Variants in ZDHHC1 observed in about 807,000 individuals in gnomAD.
ZDHHC1 encodes the protein zDHHC palmitoyltransferase 1, also known as palmitoyltransferase ZDHHC1.
A neutral mutation model predicts 46.9 loss-of-function variants in ZDHHC1; 45 were observed. The ratio of observed to expected loss-of-function variants is 0.96; its 90% CI spans 0.76 to 1.23. The LOEUF is 1.23. ZDHHC1 is among the 50% of genes most tolerant of loss of function. The probability of loss-of-function intolerance (pLI) is 0.00; values close to 1 mark genes in which losing one functional copy is unlikely to be tolerated. For synonymous variants in ZDHHC1, 291 were observed against 286.0 expected (o/e 1.02, Z -0.18); for missense variants, 649 against 670.8 (o/e 0.97, Z 0.36).
chr16:67,400,888 C>A, intron 4 of ZDHHC1, 69 bp downstream of exon 4: 1 of 1,556,504 alleles, frequency 6.4e-7, no homozygotes. Context: ...TCTGTGAAGC[C>A]CTGGCACCCC....
intron 3 of ZDHHC1, among the ~76,000 whole-genome samples, chr16:67,405,381 C>T (rs1001818963): frequency 6.6e-6 from 1 of 152,216 alleles, no homozygotes; most frequent in Non-Finnish European, 1.5e-5. Context: ...GGACAGAGCT[C>T]ACCACAGGCT....
intron 4 of ZDHHC1, among the ~76,000 whole-genome samples, chr16:67,399,667 C>T (rs2040509860): frequency 6.6e-6 from 1 of 152,222 alleles, no homozygotes; most frequent in Middle Eastern, 3.4e-3. Context: ...CTGGGGGACC[C>T]CAGAGGCCGC....
Position 67,394,815 on chromosome 16 carries a change from G to C in ZDHHC1, c.1244C>G (p.Ala415Gly). The C allele has an allele frequency of 1.3e-6, 2 of 1,526,840 alleles. No individual in the cohort carries two copies. The highest frequency in any genetic ancestry group is 1.8e-6 in the Non-Finnish European group (2 of 1,140,990). 94.6% of individuals were successfully genotyped at this position (1,526,840 alleles called of 1,614,324 possible). The change falls in exon 12 of 12, where the codon GCC becomes GGC. Residue 415 changes from alanine to glycine, a missense_variant. Physicochemically the swap from Ala to Gly is moderately conservative, Grantham distance 60. Coordinates refer to ENST00000565726, the MANE Select transcript of ZDHHC1 (RefSeq NM_001323627.2). ...TGCCGACGCCGAGTGGTAGGCGCCG[G>C]CAGGGCCAGCGGCGTGCACAGGGCT... is the stretch of plus-strand genomic sequence containing the variant. ...DASPVHAAGP[A>G]GAYHSASAES...
chr16:67,415,319 C>T (rs1182327434), intron 1 of ZDHHC1, among the ~76,000 whole-genome samples: 4 of 151,400 alleles, frequency 2.6e-5, no homozygotes, highest in South Asian at 2.1e-4. Context: ...ATTAGCTGAG[C>T]GTGGTGGCGG....
chr16:67,400,901 C>A, intron 4 of ZDHHC1, 56 bp downstream of exon 4: 1 of 1,582,422 alleles, frequency 6.3e-7, no homozygotes, highest in Non-Finnish European at 8.6e-7. Context: ...GGCACCCCCT[C>A]TCCACCATAC....
chr16:67,415,592 A>G (rs1441239825), intron 1 of ZDHHC1, among the ~76,000 whole-genome samples: 6 of 152,082 alleles, frequency 3.9e-5, no homozygotes, highest in Non-Finnish European at 7.4e-5. Flanking sequence ...CCCCGTCCCT[A>G]CTAAAAATAT....
chr16:67,399,788 G>GA (rs2040513464), intron 4 of ZDHHC1, among the ~76,000 whole-genome samples: 1 of 152,184 alleles, frequency 6.6e-6, no homozygotes, highest in South Asian at 2.1e-4. Flanking sequence ...AGAGAAGCCA[G>GA]AAGATGCAGG....
Position 67,401,009 on chromosome 16 carries a change from G to A in ZDHHC1, c.376C>T (p.Gln126Ter). 4.3e-6 allele frequency: 7 copies of A among 1,614,146 alleles called. No homozygotes were observed. Among genetic ancestry groups the A allele is most frequent in the East Asian group, 2.2e-5 (1 of 44,886 alleles). The part of the protein sequence containing the change: ...AGPLPIFNRS[Q>*]HAHVIEDLHC... ...AGGTCTTCAATGACATGTGCGTGCT[G>A]GCTTCGGTTGAAGATGGGCAGGGGC... Residue 126 changes from glutamine (Q) to a stop codon, truncating the protein, a stop_gained, in exon 4 of 12, where the codon CAG becomes TAG. Transcript: ENST00000565726. LOFTEE classifies it high-confidence loss of function. This position sits in a 1 kb window ranked among gnomAD's most constrained non-coding sequence, Gnocchi z 4.6.
intron 5 of ZDHHC1, 124 bp downstream of exon 5, chr16:67,399,230 TA>T (rs1395113914): frequency 2.2e-6 from 2 of 921,678 alleles, no homozygotes; most frequent in Non-Finnish European, 3.3e-6. Context: ...CACCCCCGCA[TA>T]AAACGGGCAC....
At position 67,404,582 on chromosome 16, in the gene ZDHHC1, C is replaced by T. The variant is rs983285862; in HGVS notation, c.252+1618G>A. 1.1e-4 allele frequency: 48 copies of T among 428,302 alleles called. 3 individuals are homozygous for T. Among genetic ancestry groups the T allele is most frequent in the South Asian group, 7.1e-4 (43 of 60,614 alleles). 26.5% of individuals were successfully genotyped at this position (428,302 alleles called of 1,614,324 possible). ...GAGCCTCTGCAATGCTCAAAGCAGA[C>T]GAACCCTGAATGCGGAGACAAAGCC... is the stretch of plus-strand genomic sequence containing the variant. On this transcript the variant is annotated intron_variant, in intron 3 of 11. Coordinates refer to ENST00000565726, the MANE Select transcript of ZDHHC1 (RefSeq NM_001323627.2).
chr16:67,399,413 ACACG>A lies in ZDHHC1; in HGVS notation c.468_471del (p.Val157AlafsTer63). 6.2e-7 allele frequency: 1 copy of A among 1,613,344 alleles called. No individual in the cohort carries two copies. Among genetic ancestry groups the A allele is most frequent in the Non-Finnish European group, 8.5e-7 (1 of 1,179,846 alleles). On this transcript the variant is annotated frameshift_variant, in exon 5 of 12. Coordinates refer to ENST00000565726, the MANE Select transcript of ZDHHC1 (RefSeq NM_001323627.2). LOFTEE classifies it high-confidence loss of function. The stretch of plus-strand genomic sequence containing the variant: ...CACTTGCAGTGGTGGTCGAAACCGC[ACACG>A]CACTTGTTGCAGGCGCTGCAGTGCT...
intron 3 of ZDHHC1, chr16:67,404,470 G>A (rs1404216109): frequency 6.2e-6 from 2 of 322,660 alleles, no homozygotes; most frequent in Non-Finnish European, 1.2e-5. Context: ...CACTTCTCAG[G>A]GGACCTGAGA....
intron 1 of ZDHHC1, among the ~76,000 whole-genome samples, chr16:67,412,700 G>C (rs143819758): frequency 6.6e-6 from 1 of 152,190 alleles, no homozygotes; most frequent in South Asian, 2.1e-4. Context: ...CCCAGAACCC[G>C]AAGGGAAAGT....
At position 67,398,703 on chromosome 16, in the gene ZDHHC1, G is replaced by A. The variant is rs558108485; in HGVS notation, c.684C>T (p.Phe228=). The A allele has an allele frequency of 7.6e-5, 122 of 1,609,314 alleles. No individual in the cohort carries two copies. In the South Asian group the frequency reaches 1.1e-3, roughly 14 times the overall value. Residue 228 remains phenylalanine (F), a synonymous_variant, in exon 7 of 12, where the codon TTC becomes TTT. Coordinates refer to ENST00000565726, the MANE Select transcript of ZDHHC1 (RefSeq NM_001323627.2). ...EVLKNHTDVW[F]VFLPAAPVET... ...CCACGGGGGCGGCAGGCAGGAACAC[G>A]AACCACACATCCGTGTGATTCTTCA...
chr16:67,404,857 C>T (rs1292315925), intron 3 of ZDHHC1: 1 of 390,836 alleles, frequency 2.6e-6, no homozygotes, highest in Non-Finnish European at 5.2e-6. Context: ...TCATGATTTG[C>T]TCTGCTTCTA....
intron 3 of ZDHHC1, among the ~76,000 whole-genome samples, chr16:67,403,369 T>G (rs1219900821): frequency 6.6e-6 from 1 of 152,254 alleles, no homozygotes; most frequent in Non-Finnish European, 1.5e-5. Context: ...ATTTTCTTTG[T>G]TAACTATCCT....
At chr16:67,395,655 T>G (rs982361503) in intron 8 of ZDHHC1, 89 bp from the exon 9 acceptor site, 31 of 1,272,132 alleles carry the variant, frequency 2.4e-5, no homozygotes, top group Non-Finnish European at 3.2e-5. Flanking sequence ...CTGCCCTCAT[T>G]GGCCTCTGTG....
Position 67,401,064 on chromosome 16 carries a change from A to C in ZDHHC1, c.321T>G (p.Asp107Glu). 6.2e-7 allele frequency: 1 copy of C among 1,614,148 alleles called. No homozygotes were observed. Among genetic ancestry groups the C allele is most frequent in the Non-Finnish European group, 8.5e-7 (1 of 1,180,024 alleles). Residue 107 changes from aspartate (D) to glutamate (E), a missense_variant, in exon 4 of 12, where the codon GAT becomes GAG. Physicochemically the swap from Asp to Glu is conservative, Grantham distance 45. Coordinates refer to ENST00000565726, the MANE Select transcript of ZDHHC1 (RefSeq NM_001323627.2). This position sits in a 1 kb window ranked among gnomAD's most constrained non-coding sequence, Gnocchi z 4.6. Reference sequence around the variant, plus strand: ...CATAGCTCTTGTCCCGCACGTTGGCATCTGCTGGATCGATGGAGACGGCGG... The same window carrying C: ...CATAGCTCTTGTCCCGCACGTTGGCCTCTGCTGGATCGATGGAGACGGCGG... ...HLTAVSIDPA[D>E]ANVRDKSYAG...
intron 8 of ZDHHC1, among the ~76,000 whole-genome samples, chr16:67,397,214 A>G (rs1016056565): frequency 6.6e-6 from 1 of 152,250 alleles, no homozygotes; most frequent in Non-Finnish European, 1.5e-5. Context: ...AGGGCCAAAG[A>G]GCCCGCCCTG....
Sources: allele counts gnomAD v4.1 joint callset (sites outside exome capture counted in the v4.1 genomes callset), GRCh38; gene constraint gnomAD v4.1.1; non-coding constraint Gnocchi (gnomAD v3.1); transcripts MANE v1.5; gene names NCBI Gene and HGNC (gene_info 2026-07-23, HGNC 2026-07-21).